CDKN2B-AS1: variants seen among roughly 807,000 people sequenced by gnomAD.
CDKN2B-AS1 encodes the protein CDKN2B and CDKN2A antisense cis and trans regulatory RNA 1.
chr9:22,088,037 A>C (rs898324286), intron 4 of CDKN2B-AS1, among the ~76,000 whole-genome samples: 14 of 152,192 alleles, frequency 9.2e-5, no homozygotes, highest in African/African-American at 2.9e-4. Flanking sequence ...CAATCAGAAG[A>C]ACTAAAAGAA....
chr9:22,059,333 A>G (rs984350223), intron 4 of CDKN2B-AS1, among the ~76,000 whole-genome samples: 1 of 152,172 alleles, frequency 6.6e-6, no homozygotes, highest in Non-Finnish European at 1.5e-5. Flanking sequence ...AAATGGGAGA[A>G]ATTGGCCGAA....
At chr9:22,030,804 G>A (rs1464559686) in intron 1 of CDKN2B-AS1, 1 of 152,030 alleles carries the variant, frequency 6.6e-6, no homozygotes, top group Non-Finnish European at 1.5e-5. Context: ...CCTAATAAAT[G>A]GAACTTATCA....
At chr9:22,040,788 CAT>C (rs1822866604) in intron 1 of CDKN2B-AS1, among the ~76,000 whole-genome samples, 1 of 152,056 alleles carries the variant, frequency 6.6e-6, no homozygotes, top group African/African-American at 2.4e-5. Flanking sequence ...ATTAATGTAA[CAT>C]AAAACTCCCA....
chr9:22,021,356 G>A (rs1221672474), intron 1 of CDKN2B-AS1, among the ~76,000 whole-genome samples: 1 of 152,102 alleles, frequency 6.6e-6, no homozygotes, highest in Non-Finnish European at 1.5e-5. Context: ...GTCAGGTAAT[G>A]TGATGCCTCC....
Position 22,087,252 on chromosome 9 carries a change from C to A in CDKN2B-AS1, n.438+30865C>A, listed in dbSNP as rs73650046. Among the ~76,000 whole-genome samples the A allele has an allele frequency of 7.9e-3, 1,204 of 152,288 alleles. 16 individuals carry two copies. Among genetic ancestry groups the A allele is most frequent in the African/African-American group, 0.027 (1,130 of 41,558 alleles). ...GGGGACCAAAAAGTTGTGGTTTATA[C>A]TTTCTTGACTCTGGTCACTGTTGGG... On this transcript the variant is annotated intron_variant and non_coding_transcript_variant, in intron 4 of 4. Transcript: ENST00000650946.
chr9:22,029,616 A>G, intron 1 of CDKN2B-AS1: 4 of 679,100 alleles, frequency 5.9e-6, no homozygotes, highest in Middle Eastern at 2.4e-4. Context: ...TTGGGAAACC[A>G]TCATCTTTCA....
rs1054178855 is a variant in CDKN2B-AS1 at position 22,094,119 on chromosome 9, T to G, written n.439-32984T>G. ...TATGAAATTCTGGGTTGAAAATTCT[T>G]TTCTTTAAGAATGTTGAATATTGGC... On this transcript the variant is annotated intron_variant and non_coding_transcript_variant, in intron 4 of 4. Coordinates refer to ENST00000650946, the Ensembl canonical transcript of CDKN2B-AS1. Among the ~76,000 whole-genome samples, 5 of 144,468 alleles carry G rather than the reference T, an allele frequency of 3.5e-5. 1 individual carries two copies. Among genetic ancestry groups the G allele is most frequent in the African/African-American group, 1.4e-4 (5 of 34,620 alleles). 94.8% of individuals were successfully genotyped at this position (144,468 alleles called of 152,430 possible).
intron 1 of CDKN2B-AS1, among the ~76,000 whole-genome samples, chr9:22,036,612 T>C (rs1450980222): frequency 1.3e-5 from 2 of 152,132 alleles, no homozygotes; most frequent in African/African-American, 2.4e-5. Flanking sequence ...TATTAATATA[T>C]TTTTAGCTTA....
intron 4 of CDKN2B-AS1, chr9:22,058,430 C>G (rs1203997293): frequency 6.6e-6 from 1 of 152,196 alleles, no homozygotes; most frequent in Non-Finnish European, 1.5e-5. Flanking sequence ...AGACCTAACA[C>G]AGGACAAATG....
chr9:22,084,436 A>G (rs1195631674), intron 4 of CDKN2B-AS1, among the ~76,000 whole-genome samples: 1 of 152,228 alleles, frequency 6.6e-6, no homozygotes, highest in Non-Finnish European at 1.5e-5. Flanking sequence ...CATGTAGTAA[A>G]TTATATTTAA....
intron 4 of CDKN2B-AS1, among the ~76,000 whole-genome samples, chr9:22,111,115 A>T (rs1825794160): frequency 6.6e-6 from 1 of 151,686 alleles, no homozygotes; most frequent in Non-Finnish European, 1.5e-5. Flanking sequence ...TATTTATTTT[A>T]TTTTTTTGCT....
intron 4 of CDKN2B-AS1, among the ~76,000 whole-genome samples, chr9:22,078,302 G>A (rs1396136164): frequency 1.3e-5 from 2 of 151,136 alleles, no homozygotes; most frequent in African/African-American, 4.9e-5. Flanking sequence ...ACTGTTACTT[G>A]ACTCGTATCA....
In CDKN2B-AS1 at chr9:21,997,467, GAA is replaced by G. The variant is rs1042676860; in HGVS notation, n.29+2308_29+2309del. ...TCTACACACACATATGTGGGGGAGA[GAA>G]AGAGAGGGAGGGAGAGAGAGAGAGA... On this transcript the variant is annotated intron_variant and non_coding_transcript_variant, in intron 1 of 4. Coordinates refer to ENST00000650946, the Ensembl canonical transcript of CDKN2B-AS1. This position sits in a 1 kb window ranked among gnomAD's most constrained non-coding sequence, Gnocchi z 4.8. 6.0e-5 allele frequency among the ~76,000 whole-genome samples: 9 copies of G among 149,696 alleles called. No individual in the cohort carries two copies. Among genetic ancestry groups the G allele is most frequent in the Middle Eastern group, 3.4e-3 (1 of 294 alleles).
chr9:22,053,576 C>T (rs933701603), intron 3 of CDKN2B-AS1, among the ~76,000 whole-genome samples: 1 of 152,140 alleles, frequency 6.6e-6, no homozygotes. Context: ...CTCTCTCTTC[C>T]CTTTTCCTCC....
At chr9:22,020,237 G>C (rs998067397) in intron 1 of CDKN2B-AS1, among the ~76,000 whole-genome samples, 5 of 152,122 alleles carry the variant, frequency 3.3e-5, no homozygotes, top group African/African-American at 1.2e-4. Flanking sequence ...AGTATTCCAT[G>C]GTGTATATGT....
At chr9:22,111,344 A>G (rs184496511) in intron 4 of CDKN2B-AS1, among the ~76,000 whole-genome samples, 5 of 152,264 alleles carry the variant, frequency 3.3e-5, no homozygotes, top group Admixed American at 3.3e-4. Context: ...ATGAATCCTT[A>G]TTTTAAAAAG....
intron 4 of CDKN2B-AS1, among the ~76,000 whole-genome samples, chr9:22,125,654 A>G (rs1301321199): frequency 6.6e-6 from 1 of 152,220 alleles, no homozygotes; most frequent in African/African-American, 2.4e-5. Context: ...AAAAATCAAA[A>G]CACACTTTCT....
At chr9:22,022,953 C>T (rs1227016071) in intron 1 of CDKN2B-AS1, among the ~76,000 whole-genome samples, 3 of 152,148 alleles carry the variant, frequency 2.0e-5, no homozygotes, top group Non-Finnish European at 4.4e-5. Flanking sequence ...GAATATTGGC[C>T]TCCAATCACT....
intron 4 of CDKN2B-AS1, among the ~76,000 whole-genome samples, chr9:22,059,551 T>A (rs1275636673): frequency 6.6e-6 from 1 of 152,072 alleles, no homozygotes; most frequent in Admixed American, 6.5e-5. Flanking sequence ...TGGTGTTGAG[T>A]GTCTGTGGCT....
Sources: gnomAD v4.1 joint callset for allele counts (sites outside exome capture counted in the v4.1 genomes callset) on GRCh38, gnomAD v4.1.1 for gene constraint, Gnocchi (gnomAD v3.1) non-coding constraint, MANE v1.5 for transcripts, NCBI Gene and HGNC (gene_info 2026-07-23, HGNC 2026-07-21) for gene names.